The following STXBP6 variants were observed in gnomAD, a reference collection of about 807,000 sequenced individuals.
STXBP6 encodes syntaxin binding protein 6, also known as syntaxin-binding protein 6.
In STXBP6, 21 loss-of-function variants were observed where a neutral mutation model predicts 26.9. That is an observed-to-expected ratio of 0.78 (90% CI 0.55 to 1.12). The LOEUF (loss-of-function observed/expected upper bound fraction) is 1.12. Ranked by LOEUF, STXBP6 falls within the 50% of genes most tolerant of loss-of-function variation. STXBP6 has a pLI of 0.00. For synonymous variants in STXBP6, 97 were observed against 92.6 expected (o/e 1.05, Z -0.27); for missense variants, 232 against 257.9 (o/e 0.90, Z 0.69).
intron 2 of STXBP6, among the ~76,000 whole-genome samples, chr14:24,940,857 T>C (rs931193924): frequency 3.3e-5 from 5 of 151,774 alleles, no homozygotes; most frequent in African/African-American, 1.2e-4. Flanking sequence ...CTACTAAAAA[T>C]ACAAAAAAAG....
chr14:25,015,363 T>A (rs968278637), intron 1 of STXBP6, among the ~76,000 whole-genome samples: 3 of 152,054 alleles, frequency 2.0e-5, no homozygotes, highest in African/African-American at 7.2e-5. Flanking sequence ...ATACCCCCTG[T>A]TCCAGACACA....
chr14:24,858,914 C>T (rs1311978292), intron 2 of STXBP6, among the ~76,000 whole-genome samples: 1 of 152,124 alleles, frequency 6.6e-6, no homozygotes, highest in East Asian at 1.9e-4. Flanking sequence ...GAATTTCCTC[C>T]TGTGTTTATG....
intron 1 of STXBP6, among the ~76,000 whole-genome samples, chr14:24,983,216 A>C (rs1331174734): frequency 6.6e-6 from 1 of 152,250 alleles, no homozygotes; most frequent in Non-Finnish European, 1.5e-5. Context: ...CAAAAGAGGA[A>C]GGTAGTAACA....
chr14:25,039,708 CTTT>C (rs375717992), intron 1 of STXBP6, among the ~76,000 whole-genome samples: 3 of 140,024 alleles, frequency 2.1e-5, no homozygotes, highest in Non-Finnish European at 1.6e-5. Context: ...AATCTGCATC[CTTT>C]TTTTTTTTTT....
intron 1 of STXBP6, among the ~76,000 whole-genome samples, chr14:25,027,537 C>T (rs1735698228): frequency 6.6e-6 from 1 of 152,132 alleles, no homozygotes; most frequent in Non-Finnish European, 1.5e-5. Context: ...TCTAGCTGCT[C>T]CTCCCACCAG....
chr14:24,877,463 C>T (rs946718088), intron 2 of STXBP6, among the ~76,000 whole-genome samples: 4 of 152,132 alleles, frequency 2.6e-5, no homozygotes, highest in African/African-American at 9.7e-5. Context: ...AATAAACAGT[C>T]TCATTTCCTC....
At chr14:24,830,913 T>C (rs2068438790) in intron 4 of STXBP6, among the ~76,000 whole-genome samples, 1 of 152,114 alleles carries the variant, frequency 6.6e-6, no homozygotes, top group South Asian at 2.1e-4. Context: ...GTCAGGACAA[T>C]ATATCAAAGA....
intron 1 of STXBP6, among the ~76,000 whole-genome samples, chr14:24,988,298 A>G (rs899260182): frequency 5.3e-5 from 8 of 152,204 alleles, no homozygotes; most frequent in Non-Finnish European, 1.0e-4. Flanking sequence ...GTGAGTAATT[A>G]CCACAACCTG....
chr14:24,824,535 A>G (rs1320902778), intron 4 of STXBP6, among the ~76,000 whole-genome samples: 1 of 152,218 alleles, frequency 6.6e-6, no homozygotes, highest in Non-Finnish European at 1.5e-5. Flanking sequence ...AATTTAGGCA[A>G]TACCAAGCTC....
chr14:25,015,949 A>G (rs2075138539), intron 1 of STXBP6, among the ~76,000 whole-genome samples: 1 of 152,210 alleles, frequency 6.6e-6, no homozygotes, highest in African/African-American at 2.4e-5. Context: ...ACCAACTGCC[A>G]AGGTTAAAAT....
In STXBP6 at chr14:24,920,359, TTAAAATATTTACTCA is replaced by T. The variant is rs1159956535; in HGVS notation, c.154+54291_154+54305del. 7.9e-5 allele frequency among the ~76,000 whole-genome samples: 12 copies of T among 152,108 alleles called. No individual in the cohort carries two copies. The South Asian group carries it at 8.3e-4, about 11-fold the overall frequency. On this transcript the variant is annotated intron_variant, in intron 2 of 5. Coordinates refer to ENST00000323944, the MANE Select transcript of STXBP6 (RefSeq NM_001394410.1). Reference sequence around the variant, plus strand: ...GTTTTAATGGTTCTTTTCTGACAGTTTAAAATATTTACTCATAAAATATTTACTCAACTATTTTTA... The same window carrying T: ...GTTTTAATGGTTCTTTTCTGACAGTTTAAAATATTTACTCAACTATTTTTA...
intron 2 of STXBP6, among the ~76,000 whole-genome samples, chr14:24,908,420 C>T (rs568732181): frequency 1.2e-4 from 19 of 152,122 alleles, no homozygotes; most frequent in Non-Finnish European, 2.8e-4. Flanking sequence ...TAAAACATAC[C>T]ATGGCATGTC....
intron 2 of STXBP6, among the ~76,000 whole-genome samples, chr14:24,936,034 C>T (rs1478894140): frequency 1.2e-4 from 18 of 152,182 alleles, no homozygotes; most frequent in Non-Finnish European, 2.6e-4. Context: ...AACAGTATAA[C>T]TTTAGGTTGG....
At chr14:24,930,433 A>G (rs2072342062) in intron 2 of STXBP6, among the ~76,000 whole-genome samples, 1 of 152,224 alleles carries the variant, frequency 6.6e-6, no homozygotes, top group African/African-American at 2.4e-5. Context: ...CCTGTGTATG[A>G]TGTCCTTGAA....
At chr14:25,020,772 G>A (rs983760284) in intron 1 of STXBP6, among the ~76,000 whole-genome samples, 11 of 152,110 alleles carry the variant, frequency 7.2e-5, no homozygotes, top group East Asian at 1.9e-4. Context: ...TCTAATGGTC[G>A]TGGTTTTGAT....
intron 1 of STXBP6, among the ~76,000 whole-genome samples, chr14:25,038,648 T>C (rs1179544252): frequency 6.6e-6 from 1 of 152,076 alleles, no homozygotes; most frequent in Non-Finnish European, 1.5e-5. Context: ...ACAATAGACA[T>C]TAGGCCAACT....
At chr14:24,996,011 T>C (rs137957231) in intron 1 of STXBP6, among the ~76,000 whole-genome samples, 2 of 152,214 alleles carry the variant, frequency 1.3e-5, no homozygotes, top group East Asian at 1.9e-4. Context: ...GATCTATATA[T>C]GTAGATTTAC....
chr14:24,895,342 G>C (rs2070948869), intron 2 of STXBP6, among the ~76,000 whole-genome samples: 2 of 152,230 alleles, frequency 1.3e-5, no homozygotes, highest in South Asian at 4.1e-4. Context: ...TTAAGGAAAA[G>C]AGATTTAAAT....
At chr14:25,013,318 C>T (rs2075072665) in intron 1 of STXBP6, among the ~76,000 whole-genome samples, 1 of 152,228 alleles carries the variant, frequency 6.6e-6, no homozygotes, top group Admixed American at 6.5e-5. Flanking sequence ...GATAGCCAAA[C>T]AGATGATTGG....
Sources: gnomAD v4.1 joint callset for allele counts (sites outside exome capture counted in the v4.1 genomes callset) on GRCh38, gnomAD v4.1.1 for gene constraint, MANE v1.5 for transcripts, NCBI Gene and HGNC (gene_info 2026-07-23, HGNC 2026-07-21) for gene names.